The following ANKRD26 variants were observed in gnomAD, a reference collection of about 807,000 sequenced individuals.
ANKRD26 encodes ankyrin repeat domain 26, also known as ankyrin repeat domain-containing protein 26.
In ANKRD26, 141 loss-of-function variants were observed where a neutral mutation model predicts 208.7. The ratio of observed to expected loss-of-function variants is 0.68; its 90% CI spans 0.59 to 0.78. The LOEUF (loss-of-function observed/expected upper bound fraction) is 0.78, where lower values mean the gene tolerates loss of function less well. Among genes scored for constraint, ANKRD26 ranks in the 30% least tolerant of loss-of-function variants. The probability of loss-of-function intolerance (pLI) is 0.00; values close to 1 mark genes in which losing one functional copy is unlikely to be tolerated. For synonymous variants in ANKRD26, 636 were observed against 660.4 expected (o/e 0.96, Z 0.57); for missense variants, 1,889 against 1,938.7 (o/e 0.97, Z 0.48).
intron 4 of ANKRD26, among the ~76,000 whole-genome samples, chr10:26,982,081 A>C (rs1178007841): frequency 6.6e-6 from 1 of 152,206 alleles, no homozygotes; most frequent in Non-Finnish European, 1.5e-5. Flanking sequence ...AACATAGACA[A>C]TATGGCAGAA....
intron 7 of ANKRD26, among the ~76,000 whole-genome samples, chr10:27,078,213 T>C (rs919352197): frequency 6.6e-6 from 1 of 152,086 alleles, no homozygotes; most frequent in Non-Finnish European, 1.5e-5. Context: ...TAAAAATAAA[T>C]GATTGTATAA....
chr10:26,986,110 T>G (rs575356224), intron 3 of ANKRD26, among the ~76,000 whole-genome samples: 2 of 152,090 alleles, frequency 1.3e-5, no homozygotes, highest in Non-Finnish European at 2.9e-5. Context: ...AACAGAGCCC[T>G]CAGAAATAAT....
intron 20 of ANKRD26, 151 bp from the exon 21 acceptor site, chr10:27,040,329 CA>C (rs1748044159): frequency 3.1e-6 from 2 of 652,968 alleles, no homozygotes; most frequent in Non-Finnish European, 5.3e-6. Context: ...GAAGATAAAA[CA>C]GGCAAGACCT....
intron 5 of ANKRD26, among the ~76,000 whole-genome samples, chr10:26,992,855 T>C (rs1464721964): frequency 1.3e-5 from 2 of 152,194 alleles, no homozygotes; most frequent in Non-Finnish European, 2.9e-5. Flanking sequence ...AGTTAAGTTA[T>C]ATTATTTGAT....
At chr10:27,099,273 G>A (rs4749224) in intron 1 of ANKRD26, among the ~76,000 whole-genome samples, 1,643 of 152,180 alleles carry the variant, frequency 0.011, 113 homozygotes, top group Admixed American at 0.091. Flanking sequence ...TTACAGGCGC[G>A]AGCCACCACG....
In ANKRD26 at chr10:27,053,361, C is replaced by G. The variant is rs1453494117; in HGVS notation, c.1594G>C (p.Glu532Gln). 3.1e-6 allele frequency: 5 copies of G among 1,611,176 alleles called. No homozygotes were observed. In the African/African-American group the frequency reaches 6.7e-5, roughly 22 times the overall value. ...TCACTCCCTTCCCTTTCTTGCTCTTCTTCTGATGCTACTTCTAAGTCATGT... is the reference window on the plus strand; with the variant it reads ...TCACTCCCTTCCCTTTCTTGCTCTTGTTCTGATGCTACTTCTAAGTCATGT... ...AEHDLEVASE[E>Q]EQEREGSENN... Residue 532 changes from glutamate (E) to glutamine (Q), a missense_variant, in exon 16 of 34, where the codon GAA (glutamate) becomes CAA (glutamine). Coordinates refer to ENST00000376087, the MANE Select transcript of ANKRD26 (RefSeq NM_014915.3).
intron 6 of ANKRD26, among the ~76,000 whole-genome samples, 177 bp from the exon 7 acceptor site, chr10:27,079,338 T>G (rs550243191): frequency 2.0e-4 from 30 of 152,304 alleles, no homozygotes; most frequent in Admixed American, 1.9e-3. Flanking sequence ...ATCTTGTTTT[T>G]GAAAAATATT....
At chr10:27,070,101 TAAAA>T (rs34493349) in intron 9 of ANKRD26, among the ~76,000 whole-genome samples, 2 of 109,114 alleles carry the variant, frequency 1.8e-5, no homozygotes, top group Admixed American at 9.6e-5. Flanking sequence ...ACTCTGTATT[TAAAA>T]AAAAAAAAAA....
At chr10:27,082,909 A>G (rs2135634376) in intron 5 of ANKRD26, 76 bp from the exon 6 acceptor site, 1 of 1,510,276 alleles carries the variant, frequency 6.6e-7, no homozygotes. Flanking sequence ...TAAGACTGAT[A>G]GTTTGTTACA....
chr10:26,982,751 C>T (rs1344925135), exon 4 of ANKRD26, among the ~76,000 whole-genome samples: 2 of 152,132 alleles, frequency 1.3e-5, no homozygotes, highest in Non-Finnish European at 2.9e-5. Context: ...CTTTGGGCAA[C>T]CATTACTCTA....
chr10:27,041,896 A>G (rs943067738), intron 20 of ANKRD26, among the ~76,000 whole-genome samples: 1 of 152,158 alleles, frequency 6.6e-6, no homozygotes, highest in Non-Finnish European at 1.5e-5. Context: ...ATGAAAGCAA[A>G]CTATTATAAT....
intron 4 of ANKRD26, among the ~76,000 whole-genome samples, chr10:27,088,828 G>A (rs895648171): frequency 6.6e-5 from 10 of 152,176 alleles, no homozygotes; most frequent in Non-Finnish European, 1.2e-4. Context: ...ATTTGCTAGA[G>A]AAAAGACAAA....
chr10:27,092,636 C>G (rs186135896), intron 3 of ANKRD26, 124 bp from the exon 4 acceptor site: 1 of 787,464 alleles, frequency 1.3e-6, no homozygotes, highest in African/African-American at 1.7e-5. Flanking sequence ...AAAACACTTG[C>G]TTCCCTTGGA....
chr10:27,028,029 G>A (rs1340109270), intron 27 of ANKRD26, among the ~76,000 whole-genome samples: 3 of 152,180 alleles, frequency 2.0e-5, no homozygotes, highest in Admixed American at 2.0e-4. Flanking sequence ...GTTCAGAGCA[G>A]GTTTAAGATA....
At chr10:26,977,929 AAAAC>A (rs966264038) in intron 5 of ANKRD26, among the ~76,000 whole-genome samples, 7 of 152,158 alleles carry the variant, frequency 4.6e-5, no homozygotes, top group Non-Finnish European at 1.0e-4. Context: ...AAAACAAAAC[AAAAC>A]AAACAACAAC....
At chr10:27,048,567 C>CTA (rs2054539937) in intron 17 of ANKRD26, among the ~76,000 whole-genome samples, 1 of 152,044 alleles carries the variant, frequency 6.6e-6, no homozygotes, top group African/African-American at 2.4e-5. Context: ...TATGAGAATG[C>CTA]CTTTTTTCTC....
intron 15 of ANKRD26, among the ~76,000 whole-genome samples, chr10:27,057,851 C>A (rs935047466): frequency 2.6e-5 from 4 of 151,670 alleles, no homozygotes; most frequent in Non-Finnish European, 4.4e-5. Flanking sequence ...GCAGGAGAAT[C>A]GCTTGAACCT....
At chr10:26,999,583 T>A (rs2052672962), downstream of ANKRD26, among the ~76,000 whole-genome samples, 3 of 151,966 alleles carry the variant, frequency 2.0e-5, no homozygotes, top group Admixed American at 1.3e-4. Flanking sequence ...GTGAAAATAG[T>A]CCCTAGTTAT....
At chr10:27,086,494 T>C (rs2056119829) in intron 5 of ANKRD26, 45 bp downstream of exon 5, 9 of 1,595,556 alleles carry the variant, frequency 5.6e-6, no homozygotes, top group Admixed American at 1.7e-5. Flanking sequence ...TACTTTTTTA[T>C]CCATGGTACT....
Sources: allele counts gnomAD v4.1 joint callset (sites outside exome capture counted in the v4.1 genomes callset), GRCh38; gene constraint gnomAD v4.1.1; transcripts MANE v1.5; gene names NCBI Gene and HGNC (gene_info 2026-07-23, HGNC 2026-07-21).